Variants in DPP6 observed in about 807,000 individuals in gnomAD.
The protein encoded by DPP6 is A-type potassium channel modulatory protein DPP6.
DPP6 carries 69 observed loss-of-function variants against 122.6 expected under a neutral mutation model. That is an observed-to-expected ratio of 0.56 (90% CI 0.46 to 0.69). The LOEUF is 0.69. Among genes scored for constraint, DPP6 ranks in the 30% least tolerant of loss-of-function variants. The pLI is 0.00. For missense variants in DPP6, 928 were observed against 1,116.9 expected (o/e 0.83, Z 2.41); for synonymous variants, 418 against 433.1 (o/e 0.97, Z 0.43).
At chr7:154,841,043 C>T (rs989993217) in intron 16 of DPP6, among the ~76,000 whole-genome samples, 3 of 152,194 alleles carry the variant, frequency 2.0e-5, no homozygotes, top group African/African-American at 7.2e-5. Flanking sequence ...ATAACTAGAT[C>T]ACTAGAAATC....
intron 1 of DPP6, among the ~76,000 whole-genome samples, chr7:154,131,611 C>A (rs969976601): frequency 1.3e-5 from 2 of 152,286 alleles, no homozygotes; most frequent in African/African-American, 4.8e-5. Context: ...ATTGGATTAG[C>A]AGAATGTTTG....
the DPP6 span, among the ~76,000 whole-genome samples, chr7:153,824,406 G>T: frequency 5.1e-4 from 28 of 54,434 alleles, no homozygotes; most frequent in Middle Eastern, 0.02. Flanking sequence ...AAAAAAAAAA[G>T]CCAGGCGTAG....
intron 7 of DPP6, among the ~76,000 whole-genome samples, chr7:154,724,091 AATGCTG>A (rs1841949850): frequency 6.6e-6 from 1 of 152,138 alleles, no homozygotes; most frequent in Non-Finnish European, 1.5e-5. Flanking sequence ...GTTTCTTTAA[AATGCTG>A]ATGCCTGGAT....
chr7:153,828,423 C>T, the DPP6 span, among the ~76,000 whole-genome samples: 2 of 152,252 alleles, frequency 1.3e-5, no homozygotes, highest in South Asian at 4.1e-4. Flanking sequence ...GAAGGGTGGG[C>T]ACCTGGGACC....
At chr7:154,690,810 A>G (rs181893153) in intron 7 of DPP6, among the ~76,000 whole-genome samples, 3 of 152,266 alleles carry the variant, frequency 2.0e-5, no homozygotes, top group Admixed American at 2.0e-4. Context: ...TGCCCTGATC[A>G]CTTCATCCTC....
intron 8 of DPP6, among the ~76,000 whole-genome samples, chr7:154,757,226 C>T (rs1343980698): frequency 6.6e-6 from 1 of 151,862 alleles, no homozygotes; most frequent in African/African-American, 2.4e-5. Flanking sequence ...TTCTCCATCC[C>T]TCACATCCCC....
intron 1 of DPP6, among the ~76,000 whole-genome samples, chr7:154,275,909 C>G (rs1486666959): frequency 1.3e-5 from 2 of 152,388 alleles, no homozygotes; most frequent in East Asian, 3.9e-4. Flanking sequence ...GCCCCTCCGG[C>G]TCCAAATCAA....
chr7:154,148,009 A>G (rs1375045313), intron 1 of DPP6, among the ~76,000 whole-genome samples: 2,126 of 142,414 alleles, frequency 0.015, no homozygotes, highest in African/African-American at 0.06. Flanking sequence ...CACTTGTCCC[A>G]GGTGGATCAC....
intron 1 of DPP6, among the ~76,000 whole-genome samples, chr7:154,400,647 T>C (rs6955904): frequency 0.69 from 104,349 of 152,132 alleles, 36,961 homozygotes; most frequent in South Asian, 0.78. Context: ...AACTAACTCT[T>C]AGCCAGATAG....
At chr7:153,915,510 TTGC>T (rs1460384244) in intron 1 of DPP6, among the ~76,000 whole-genome samples, 1 of 152,192 alleles carries the variant, frequency 6.6e-6, no homozygotes, top group African/African-American at 2.4e-5. Context: ...TAAGAATAGT[TTGC>T]TTCTTTCTAA....
chr7:154,617,827 G>A lies in DPP6; in HGVS notation c.628-19994G>A, dbSNP rs576881902. On this transcript the variant is annotated intron_variant, in intron 5 of 25. Transcript: ENST00000377770. ...GCCAATGGAAAACAAGTTAAAGACAGAAGGTTTAGTAGCACTGGAAAACCC... is the reference window on the plus strand; with the variant it reads ...GCCAATGGAAAACAAGTTAAAGACAAAAGGTTTAGTAGCACTGGAAAACCC... Among the ~76,000 whole-genome samples the A allele has an allele frequency of 2.6e-5, 4 of 152,300 alleles. No homozygotes were observed. In the East Asian group the frequency reaches 7.7e-4, roughly 29 times the overall value.
In DPP6 at chr7:154,114,290, A is replaced by C. The variant is rs1202711229; in HGVS notation, c.243+61227A>C. On this transcript the variant is annotated intron_variant, in intron 1 of 25. Coordinates refer to ENST00000377770, the MANE Select transcript of DPP6 (RefSeq NM_130797.4). The stretch of plus-strand genomic sequence containing the variant: ...TGGCAGAATCATGGCCCTGTCATGC[A>C]CTGGCTGAGTTTGCTTGAGGAAGCT... Among the ~76,000 whole-genome samples the C allele has an allele frequency of 2.0e-5, 3 of 152,144 alleles. No individual in the cohort carries two copies. The East Asian group carries it at 5.8e-4, about 29-fold the overall frequency.
intron 1 of DPP6, among the ~76,000 whole-genome samples, chr7:153,928,396 ATTTTTTTTTTTTTT>A (rs71182854): frequency 4.6e-5 from 2 of 43,672 alleles, no homozygotes; most frequent in South Asian, 2.0e-3. Flanking sequence ...CTTTTCTTTC[ATTTTTTTTTTTTTT>A]TTTTTTTTTT....
intron 7 of DPP6, among the ~76,000 whole-genome samples, chr7:154,715,878 A>G (rs1186613915): frequency 1.3e-5 from 2 of 152,102 alleles, no homozygotes; most frequent in Non-Finnish European, 2.9e-5. Flanking sequence ...CTCACAGTCA[A>G]CCTGCCCAAA....
At chr7:153,865,713 A>T in the DPP6 span, among the ~76,000 whole-genome samples, 1 of 152,156 alleles carries the variant, frequency 6.6e-6, no homozygotes, top group Non-Finnish European at 1.5e-5. Flanking sequence ...CACGTTTGTT[A>T]CATATGTATA....
intron 4 of DPP6, among the ~76,000 whole-genome samples, chr7:154,561,687 G>A (rs1215298538): frequency 6.6e-6 from 1 of 152,010 alleles, no homozygotes; most frequent in Non-Finnish European, 1.5e-5. Context: ...CAGAAGAATA[G>A]TTAGGAGCAG....
At position 154,892,736 on chromosome 7, in the gene DPP6, G is replaced by A. The variant is rs1276538261; in HGVS notation, c.*256G>A. 5.5e-6 allele frequency: 4 copies of A among 723,770 alleles called. No homozygotes were observed. Among genetic ancestry groups the A allele is most frequent in the East Asian group, 3.1e-5 (1 of 32,224 alleles). The allele number at this position is 723,770 out of a possible 1,614,324, so 44.8% of individuals were successfully genotyped here. A position where few individuals can be genotyped will look rare whatever the true frequency, so the allele number is the denominator to read the frequency against. ...GCCTCCTCCCGGCGCCCGAGAGACCGGCACGCCACGGCCCCTCCCCCAAGG... is the reference window on the plus strand; with the variant it reads ...GCCTCCTCCCGGCGCCCGAGAGACCAGCACGCCACGGCCCCTCCCCCAAGG... On this transcript the variant is annotated 3_prime_UTR_variant, in exon 26 of 26. Coordinates refer to ENST00000377770, the MANE Select transcript of DPP6 (RefSeq NM_130797.4).
chr7:154,683,371 C>G (rs958430233), intron 7 of DPP6, among the ~76,000 whole-genome samples: 1 of 152,204 alleles, frequency 6.6e-6, no homozygotes, highest in African/African-American at 2.4e-5. Context: ...AGTGGTACCA[C>G]CATCTCTTCT....
chr7:154,395,669 A>G lies in DPP6; in HGVS notation c.244-50545A>G, dbSNP rs562450457. Among the ~76,000 whole-genome samples, 5 of 152,252 alleles carry G rather than the reference A, an allele frequency of 3.3e-5. No homozygotes were observed. The South Asian group carries it at 6.2e-4, about 19-fold the overall frequency. ...AAAAAATGGGATCCTTAAGGTTTTTATATATAAAATTGTATCATGTGTAAA... is the reference window on the plus strand; with the variant it reads ...AAAAAATGGGATCCTTAAGGTTTTTGTATATAAAATTGTATCATGTGTAAA... On this transcript the variant is annotated intron_variant, in intron 1 of 25. Coordinates refer to ENST00000377770, the MANE Select transcript of DPP6 (RefSeq NM_130797.4).
Sources: gnomAD v4.1 joint callset for allele counts (sites outside exome capture counted in the v4.1 genomes callset) on GRCh38, gnomAD v4.1.1 for gene constraint, MANE v1.5 for transcripts, NCBI Gene and HGNC (gene_info 2026-07-23, HGNC 2026-07-21) for gene names.